GSE1: variants seen among roughly 807,000 people sequenced by gnomAD.
GSE1 encodes genetic suppressor element 1.
A neutral mutation model predicts 112.6 loss-of-function variants in GSE1; 32 were observed. The ratio of observed to expected loss-of-function variants is 0.28; its 90% CI spans 0.21 to 0.38. The LOEUF (loss-of-function observed/expected upper bound fraction) is 0.38. GSE1 is among the 10% of genes least tolerant of loss of function. The pLI, the probability that GSE1 is intolerant of heterozygous loss-of-function variation, is 1.00. For missense variants in GSE1, 2,348 were observed against 1,699.2 expected (o/e 1.38, Z -6.71); for synonymous variants, 1,115 against 735.6 (o/e 1.52, Z -8.35).
intron 2 of GSE1, among the ~76,000 whole-genome samples, chr16:85,362,831 C>CT (rs67922655): frequency 0.26 from 27,366 of 103,572 alleles, 4,689 homozygotes; most frequent in Non-Finnish European, 0.3. Flanking sequence ...TTATTGATAT[C>CT]TTTTTTTTTT....
At chr16:85,240,314 C>G (rs773113654) in intron 1 of GSE1, among the ~76,000 whole-genome samples, 6 of 152,216 alleles carry the variant, frequency 3.9e-5, no homozygotes, top group Non-Finnish European at 7.3e-5. Flanking sequence ...CCTGCTGGTT[C>G]TGGGTCCCTT....
intron 2 of GSE1, among the ~76,000 whole-genome samples, chr16:85,501,229 C>G (rs2051356524): frequency 6.6e-6 from 1 of 151,878 alleles, no homozygotes; most frequent in African/African-American, 2.4e-5. Context: ...GTCTCAATCT[C>G]CTGACCTCGT....
chr16:85,615,077 C>A (rs1001126828), intron 1 of GSE1, among the ~76,000 whole-genome samples: 2 of 152,348 alleles, frequency 1.3e-5, no homozygotes, highest in Non-Finnish European at 2.9e-5. Context: ...AGGTGAGCAG[C>A]CTTCCCTGGC....
chr16:85,628,651 G>C (rs1313576946), intron 1 of GSE1, among the ~76,000 whole-genome samples: 1 of 152,212 alleles, frequency 6.6e-6, no homozygotes, highest in East Asian at 1.9e-4. Flanking sequence ...CCACGCTTTT[G>C]TTGGCGGTGC....
Position 85,199,365 on chromosome 16 carries a change from C to G in GSE1, c.2283+27558C>G, listed in dbSNP as rs74250620. 2.2e-4 allele frequency among the ~76,000 whole-genome samples: 33 copies of G among 152,266 alleles called. 1 individual carries two copies. The highest frequency in any genetic ancestry group is 7.9e-4 in the African/African-American group (33 of 41,544). ...CCTCCCAAAGTGTGGAGATTACAGG[C>G]GAGAGCCACAGTACCTGGCTGTGGG... On this transcript the variant is annotated intron_variant, in intron 1 of 2. Transcript: ENST00000637419.
At chr16:85,533,680 A>G (rs528707090) in intron 2 of GSE1, among the ~76,000 whole-genome samples, 3 of 152,246 alleles carry the variant, frequency 2.0e-5, no homozygotes, top group African/African-American at 7.2e-5. Flanking sequence ...CCTGGGCAAC[A>G]TAGAGGGACC....
chr16:85,323,796 T>C (rs2046167500), intron 1 of GSE1, among the ~76,000 whole-genome samples: 1 of 152,062 alleles, frequency 6.6e-6, no homozygotes, highest in African/African-American at 2.4e-5. Flanking sequence ...ATGTGCTGCA[T>C]TGTTGTTGAG....
At chr16:85,411,126 C>A (rs2048528462) in intron 2 of GSE1, among the ~76,000 whole-genome samples, 1 of 121,860 alleles carries the variant, frequency 8.2e-6, no homozygotes, top group Non-Finnish European at 1.6e-5. Flanking sequence ...CCGGATAATC[C>A]TCACCGTTAC....
At chr16:85,213,920 C>G (rs941444493) in intron 1 of GSE1, among the ~76,000 whole-genome samples, 21 of 152,340 alleles carry the variant, frequency 1.4e-4, no homozygotes, top group African/African-American at 5.1e-4. Flanking sequence ...GAACAGAGGC[C>G]TCAGTCCTCC....
intron 2 of GSE1, among the ~76,000 whole-genome samples, chr16:85,367,300 C>T (rs1017538417): frequency 2.0e-5 from 3 of 152,184 alleles, no homozygotes; most frequent in East Asian, 3.9e-4. Flanking sequence ...GATTGTCTGC[C>T]GGCACGTCTG....
chr16:85,246,310 TAC>T (rs779606538), intron 1 of GSE1, among the ~76,000 whole-genome samples: 544 of 21,678 alleles, frequency 0.025, 11 homozygotes, highest in South Asian at 0.031. Context: ...ACACGCTGTC[TAC>T]ACACACACAC....
intron 1 of GSE1, among the ~76,000 whole-genome samples, chr16:85,240,451 C>T (rs1203721767): frequency 1.3e-5 from 2 of 152,352 alleles, no homozygotes; most frequent in East Asian, 1.9e-4. Context: ...CTGCATTCCT[C>T]ATCAACGTCT....
At chr16:85,521,632 A>G (rs979078950) in intron 2 of GSE1, among the ~76,000 whole-genome samples, 3 of 152,202 alleles carry the variant, frequency 2.0e-5, no homozygotes, top group African/African-American at 7.2e-5. Context: ...CCTTGCAGTC[A>G]GTAACATGTG....
chr16:85,258,501 T>G (rs1452039151), intron 1 of GSE1, among the ~76,000 whole-genome samples: 1 of 142,852 alleles, frequency 7.0e-6, no homozygotes, highest in Non-Finnish European at 1.5e-5. Flanking sequence ...TCAGCCCTCT[T>G]GCATCCTGCG....
At chr16:85,221,952 A>G (rs2075401215) in intron 1 of GSE1, among the ~76,000 whole-genome samples, 1 of 151,888 alleles carries the variant, frequency 6.6e-6, no homozygotes, top group Non-Finnish European at 1.5e-5. Context: ...CCCGCCCCAC[A>G]GGGTCACCGG....
At chr16:85,289,838 G>T (rs1311250738) in intron 1 of GSE1, among the ~76,000 whole-genome samples, 3 of 152,166 alleles carry the variant, frequency 2.0e-5, no homozygotes, top group African/African-American at 7.2e-5. Flanking sequence ...CTTCATGTTG[G>T]GGCGGGGATG....
At chr16:85,448,626 C>T (rs1056890470) in intron 2 of GSE1, among the ~76,000 whole-genome samples, 1 of 152,194 alleles carries the variant, frequency 6.6e-6, no homozygotes, top group Non-Finnish European at 1.5e-5. Flanking sequence ...CCCTCCTGCA[C>T]GCTTATCTGG....
At chr16:85,340,827 C>T (rs937961186) in intron 1 of GSE1, among the ~76,000 whole-genome samples, 14 of 151,098 alleles carry the variant, frequency 9.3e-5, no homozygotes, top group Non-Finnish European at 1.9e-4. Context: ...GAGGGTGGGA[C>T]GGTGCGAGGG....
chr16:85,513,713 C>T (rs2051823395), intron 2 of GSE1, among the ~76,000 whole-genome samples: 1 of 152,182 alleles, frequency 6.6e-6, no homozygotes, highest in African/African-American at 2.4e-5. Context: ...TACCTCCTGC[C>T]TGGTGCAAGG....
Sources: gnomAD v4.1 joint callset for allele counts (sites outside exome capture counted in the v4.1 genomes callset) on GRCh38, gnomAD v4.1.1 for gene constraint, MANE v1.5 for transcripts, NCBI Gene and HGNC (gene_info 2026-07-23, HGNC 2026-07-21) for gene names.